Variants in CAST observed in about 807,000 individuals in gnomAD.
The protein encoded by CAST is calpastatin.
In CAST, 76 loss-of-function variants were observed where a neutral mutation model predicts 119.6. The ratio of observed to expected loss-of-function variants is 0.64; its 90% CI spans 0.53 to 0.77. CAST has a LOEUF of 0.77. Among genes scored for constraint, CAST ranks in the 30% least tolerant of loss-of-function variants. The pLI is 0.00. For synonymous variants in CAST, 319 were observed against 331.6 expected (o/e 0.96, Z 0.41); for missense variants, 953 against 946.5 (o/e 1.01, Z -0.09).
chr5:95,993,273 G>A, the CAST span, among the ~76,000 whole-genome samples: 1 of 152,144 alleles, frequency 6.6e-6, no homozygotes, highest in Non-Finnish European at 1.5e-5. Context: ...AATTAATGTG[G>A]ATTGTAAATT....
chr5:96,461,853 G>A, the CAST span, among the ~76,000 whole-genome samples: 1 of 152,118 alleles, frequency 6.6e-6, no homozygotes, highest in Non-Finnish European at 1.5e-5. Flanking sequence ...TGTACATCAA[G>A]TGATTAAGTC....
the CAST span, among the ~76,000 whole-genome samples, chr5:96,066,469 T>C: frequency 6.6e-6 from 1 of 151,998 alleles, no homozygotes; most frequent in Non-Finnish European, 1.5e-5. Context: ...TTCTCTAGCT[T>C]GTTTTGAGCC....
the CAST span, among the ~76,000 whole-genome samples, chr5:96,212,968 A>T: frequency 0.021 from 3,243 of 152,078 alleles, 116 homozygotes; most frequent in African/African-American, 0.074. Context: ...AAATAAAATA[A>T]ATTAGCCGGG....
At chr5:96,055,955 A>C in the CAST span, among the ~76,000 whole-genome samples, 212 of 152,216 alleles carry the variant, frequency 1.4e-3, no homozygotes, top group African/African-American at 4.9e-3. Context: ...TACAAAAAAA[A>C]CCCAGCCAGT....
rs188239660 is a variant in CAST, at chr5:96,682,582, C to G, written c.138+6981C>G. On this transcript the variant is annotated intron_variant, in intron 2 of 31. Transcript: ENST00000675179. ...TCTTCGGGGTAATGATGCCCTCTGCCTTTCTCTGTGGTGGTTTTGAGAGGC... is the reference window on the plus strand; with the variant it reads ...TCTTCGGGGTAATGATGCCCTCTGCGTTTCTCTGTGGTGGTTTTGAGAGGC... Among the ~76,000 whole-genome samples, 7 of 151,978 alleles carry G rather than the reference C, an allele frequency of 4.6e-5. No individual in the cohort carries two copies. The East Asian group carries it at 9.7e-4, about 21-fold the overall frequency.
the CAST span, among the ~76,000 whole-genome samples, chr5:96,447,829 A>T: frequency 6.6e-6 from 1 of 152,102 alleles, no homozygotes; most frequent in Non-Finnish European, 1.5e-5. Flanking sequence ...TGTCAGTGAC[A>T]TTCTAATTAA....
chr5:96,420,174 T>C, the CAST span, among the ~76,000 whole-genome samples: 4 of 152,214 alleles, frequency 2.6e-5, no homozygotes, highest in Admixed American at 1.3e-4. Flanking sequence ...TTAAGAAACA[T>C]AGGGAGAAGG....
the CAST span, among the ~76,000 whole-genome samples, chr5:96,113,885 G>A: frequency 6.6e-6 from 1 of 152,252 alleles, no homozygotes; most frequent in South Asian, 2.1e-4. Context: ...GTGTGTTGAA[G>A]AAAATGTTAA....
At chr5:95,988,049 C>A in the CAST span, among the ~76,000 whole-genome samples, 1 of 152,156 alleles carries the variant, frequency 6.6e-6, no homozygotes, top group Non-Finnish European at 1.5e-5. Flanking sequence ...TAACTCTGTT[C>A]TAGAAAATCC....
At chr5:96,300,559 C>G in the CAST span, among the ~76,000 whole-genome samples, 8 of 147,684 alleles carry the variant, frequency 5.4e-5, no homozygotes, top group East Asian at 1.6e-3. Flanking sequence ...TTCTTTTCAG[C>G]CAATGCTTGC....
chr5:96,511,097 T>C, the CAST span, among the ~76,000 whole-genome samples: 312 of 152,292 alleles, frequency 2.0e-3, 2 homozygotes, highest in African/African-American at 7.1e-3. Flanking sequence ...CATGAGTTAG[T>C]AAAACAACAA....
the CAST span, among the ~76,000 whole-genome samples, chr5:96,346,914 C>T: frequency 1.2e-4 from 18 of 152,088 alleles, no homozygotes; most frequent in Non-Finnish European, 2.4e-4. Flanking sequence ...CAAACCTATA[C>T]CCAGAAAATA....
At chr5:96,618,368 G>T (rs1015185227) in intron 1 of CAST, among the ~76,000 whole-genome samples, 3 of 152,206 alleles carry the variant, frequency 2.0e-5, no homozygotes, top group African/African-American at 7.2e-5. Flanking sequence ...AGCAGCCCTT[G>T]CTTGCTCTCA....
chr5:96,283,019 A>C, the CAST span, among the ~76,000 whole-genome samples: 1 of 149,550 alleles, frequency 6.7e-6, no homozygotes, highest in Non-Finnish European at 1.5e-5. Flanking sequence ...AGTCCCAGCT[A>C]CTCGGGAGGC....
the CAST span, among the ~76,000 whole-genome samples, chr5:96,029,566 A>G: frequency 6.6e-6 from 1 of 152,120 alleles, no homozygotes; most frequent in Non-Finnish European, 1.5e-5. Flanking sequence ...TATAAAGTCT[A>G]TTTTCTGACC....
At chr5:96,394,070 C>T in the CAST span, among the ~76,000 whole-genome samples, 1 of 152,204 alleles carries the variant, frequency 6.6e-6, no homozygotes, top group Non-Finnish European at 1.5e-5. Context: ...CAAGCTGAGG[C>T]CTTCACAGTT....
chr5:96,312,500 A>G, the CAST span, among the ~76,000 whole-genome samples: 2 of 152,092 alleles, frequency 1.3e-5, no homozygotes, highest in Non-Finnish European at 2.9e-5. Context: ...GGAATTTTAC[A>G]TCCCAACACC....
the CAST span, among the ~76,000 whole-genome samples, chr5:96,480,800 C>G: frequency 6.6e-6 from 1 of 152,148 alleles, no homozygotes; most frequent in Non-Finnish European, 1.5e-5. Context: ...GAGAAGCAAC[C>G]AGTGACCTTT....
chr5:96,286,997 CTTGT>C, the CAST span, among the ~76,000 whole-genome samples: 1 of 151,994 alleles, frequency 6.6e-6, no homozygotes, highest in Non-Finnish European at 1.5e-5. Flanking sequence ...GTAGAATTTT[CTTGT>C]TTGTGTGTGC....
Sources: gnomAD v4.1 joint callset for allele counts (sites outside exome capture counted in the v4.1 genomes callset) on GRCh38, gnomAD v4.1.1 for gene constraint, MANE v1.5 for transcripts, NCBI Gene and HGNC (gene_info 2026-07-23, HGNC 2026-07-21) for gene names.